PAPOLG: variants seen among roughly 807,000 people sequenced by gnomAD.
PAPOLG encodes PAP-gamma.
In PAPOLG, 40 loss-of-function variants were observed where a neutral mutation model predicts 99.0. The observed-to-expected ratio is 0.40, with a 90% CI of 0.31 to 0.53. The LOEUF is 0.53. PAPOLG is among the 20% of genes least tolerant of loss of function. The pLI is 0.41. For synonymous variants in PAPOLG, 310 were observed against 299.3 expected, an observed-to-expected ratio of 1.04 and a Z score of -0.37; for missense variants, 675 against 884.1, an observed-to-expected ratio of 0.76 and a Z score of 3.00.
chr2:60,779,884 T>C (rs1372560783), intron 9 of PAPOLG, 109 bp downstream of exon 9: 14 of 967,396 alleles, frequency 1.4e-5, no homozygotes, highest in Admixed American at 2.5e-5. Flanking sequence ...TTTACATTGC[T>C]TTGTAAAGTT....
chr2:60,768,448 C>T, intron 3 of PAPOLG, 22 bp from the exon 4 acceptor site: 1 of 1,610,464 alleles, frequency 6.2e-7, no homozygotes, highest in Non-Finnish European at 8.5e-7. Context: ...AATTGAATGT[C>T]TTCCGCTTAA....
At chr2:60,772,428 C>CT (rs1380549443) in intron 7 of PAPOLG, among the ~76,000 whole-genome samples, 1 of 142,642 alleles carries the variant, frequency 7.0e-6, no homozygotes, top group African/African-American at 2.6e-5. Context: ...GCTTAGGTGA[C>CT]AGAGTGAGAC....
Position 60,793,720 on chromosome 2 carries a change from G to C in PAPOLG, c.1768+5G>C. 1 of 1,612,004 alleles carries C rather than the reference G, an allele frequency of 6.2e-7. No individual in the cohort carries two copies. The highest frequency in any genetic ancestry group is 8.5e-7 in the Non-Finnish European group (1 of 1,178,814). On this transcript the variant is annotated splice_donor_5th_base_variant and intron_variant, in intron 18 of 21. Transcript: ENST00000238714. ...CCATTCCAGTGATTGGCGCAAGTAG[G>C]TATCTAAACTTGTATATATTAATAA... is the stretch of plus-strand genomic sequence containing the variant.
intron 7 of PAPOLG, among the ~76,000 whole-genome samples, chr2:60,771,890 A>G (rs1404926425): frequency 6.6e-6 from 1 of 152,188 alleles, no homozygotes; most frequent in African/African-American, 2.4e-5. Context: ...GGAGGACCCC[A>G]AAAAGCTTTT....
chr2:60,756,453 C>A lies in PAPOLG; in HGVS notation c.-26C>A. 1 of 1,609,918 alleles carries A rather than the reference C, an allele frequency of 6.2e-7. No homozygotes were observed. Among genetic ancestry groups the A allele is most frequent in the Non-Finnish European group, 8.5e-7 (1 of 1,178,086 alleles). On this transcript the variant is annotated 5_prime_UTR_variant, in exon 1 of 22. Coordinates refer to ENST00000238714, the MANE Select transcript of PAPOLG (RefSeq NM_022894.4). ...ACAGGACTCCAGAGCGATAAACACT[C>A]GCTGGAGAGGGAGACGCAGGAAGCG...
intron 3 of PAPOLG, among the ~76,000 whole-genome samples, chr2:60,764,417 A>ATT (rs201520818): frequency 7.1e-6 from 1 of 140,360 alleles, no homozygotes. Context: ...ACAACTGCAG[A>ATT]TTTTTTTTTT....
intron 10 of PAPOLG, 85 bp downstream of exon 10, chr2:60,780,864 T>C: frequency 9.3e-7 from 1 of 1,073,248 alleles, no homozygotes; most frequent in Non-Finnish European, 1.4e-6. Flanking sequence ...AGATAGTTCC[T>C]CTTGTCTCTG....
chr2:60,768,231 A>G (rs540850009), intron 3 of PAPOLG, among the ~76,000 whole-genome samples: 1 of 152,206 alleles, frequency 6.6e-6, no homozygotes, highest in Non-Finnish European at 1.5e-5. Flanking sequence ...CCTACCAAGC[A>G]GCTGGGATTA....
In PAPOLG at chr2:60,794,200, A is replaced by C. The variant is rs369473799; in HGVS notation, c.1989+9A>C. 1 of 1,607,996 alleles carries C rather than the reference A, an allele frequency of 6.2e-7. No homozygotes were observed. Among genetic ancestry groups the C allele is most frequent in the East Asian group, 2.2e-5 (1 of 44,838 alleles). ...TGAAAGACGTAGAAAAGGTAAAGTT[A>C]CAACTTTAGTGGTAATTCAGTAGTT... On this transcript the variant is annotated intron_variant, in intron 19 of 21. Transcript: ENST00000238714.
intron 1 of PAPOLG, among the ~76,000 whole-genome samples, chr2:60,757,027 C>CCGGT (rs895065056): frequency 1.3e-5 from 2 of 151,858 alleles, no homozygotes; most frequent in African/African-American, 4.8e-5. Flanking sequence ...ACAACATCTA[C>CCGGT]CGGTCTGTAC....
At chr2:60,769,927 AC>A (rs1265877367) in intron 5 of PAPOLG, among the ~76,000 whole-genome samples, 4 of 86,220 alleles carry the variant, frequency 4.6e-5, no homozygotes, top group Admixed American at 3.8e-4. Context: ...CTTGTCCCCC[AC>A]CCCCCGACAG....
In PAPOLG at chr2:60,786,931, T is replaced by G; in HGVS notation, c.1167-16T>G. On this transcript the variant is annotated splice_polypyrimidine_tract_variant and intron_variant, in intron 13 of 21. Coordinates refer to ENST00000238714, the MANE Select transcript of PAPOLG (RefSeq NM_022894.4). Reference sequence around the variant, plus strand: ...AAAGTGGACATAAGATAAATTGTGTTTGTTGTTTATTTTAGGGTTGGATTA... The same window carrying G: ...AAAGTGGACATAAGATAAATTGTGTGTGTTGTTTATTTTAGGGTTGGATTA... The G allele has an allele frequency of 6.2e-7, 1 of 1,600,396 alleles. No individual in the cohort carries two copies. The highest frequency in any genetic ancestry group is 8.5e-7 in the Non-Finnish European group (1 of 1,175,458).
At chr2:60,769,377 A>G (rs1558685089) in intron 5 of PAPOLG, among the ~76,000 whole-genome samples, 1 of 152,250 alleles carries the variant, frequency 6.6e-6, no homozygotes, top group Non-Finnish European at 1.5e-5. Flanking sequence ...TGCTGGCATT[A>G]GTCTTACAGA....
At chr2:60,760,328 G>C (rs950022516) in intron 2 of PAPOLG, 33 bp downstream of exon 2, 2 of 1,551,578 alleles carry the variant, frequency 1.3e-6, no homozygotes, top group Non-Finnish European at 8.9e-7. Flanking sequence ...ATATTTGACA[G>C]TGCATTATTT....
At position 60,797,101 on chromosome 2, in the gene PAPOLG, G is replaced by A. The variant is rs1393463928; in HGVS notation, c.2152G>A (p.Val718Ile). 23 of 1,613,710 alleles carry A rather than the reference G, an allele frequency of 1.4e-5. No individual in the cohort carries two copies. The Admixed American group carries it at 3.3e-4, about 23-fold the overall frequency. ...SKELPDSSSPVPANNIRVIKN... is the reference protein window; with the variant it reads ...SKELPDSSSPIPANNIRVIKN... ...AGAACTACCAGATTCATCATCTCCA[G>A]TTCCAGCAAACAACATCCGTGTCAT... Residue 718 changes from valine to isoleucine, a missense_variant, in exon 22 of 22, where the codon GTT (valine) becomes ATT (isoleucine). Coordinates refer to ENST00000238714, the MANE Select transcript of PAPOLG (RefSeq NM_022894.4).
chr2:60,771,585 T>G lies in PAPOLG; in HGVS notation c.559T>G (p.Ser187Ala), dbSNP rs781689966. ...ISDNLDLRDD[S>A]RLRSLDIRCI... is the part of the protein sequence containing the mutation. ...AGATAATTTAGATCTAAGAGACGAC[T>G]CTCGCCTGAGAAGCCTTGATATAAG... The change falls in exon 7 of 22, where the codon TCT becomes GCT. Residue 187 changes from serine (S) to alanine (A), a missense_variant. By Grantham distance (99) the Ser-to-Ala change is moderately conservative. Transcript: ENST00000238714. The G allele has an allele frequency of 1.9e-6, 3 of 1,609,076 alleles. No individual in the cohort carries two copies. The highest frequency in any genetic ancestry group is 2.5e-6 in the Non-Finnish European group (3 of 1,178,794).
chr2:60,777,213 T>C (rs1259618408), intron 8 of PAPOLG, among the ~76,000 whole-genome samples: 1 of 152,136 alleles, frequency 6.6e-6, no homozygotes, highest in African/African-American at 2.4e-5. Context: ...CCCAGTACTT[T>C]GGGAGGCCGA....
rs66526788 is a variant in PAPOLG, at chr2:60,796,208, CTTTTTTTTTTTTT to C, written c.2113-840_2113-828del. 3.6e-5 allele frequency among the ~76,000 whole-genome samples: 4 copies of C among 110,316 alleles called. No individual in the cohort carries two copies. The East Asian group carries it at 7.5e-4, about 21-fold the overall frequency. 72.4% of individuals were successfully genotyped at this position (110,316 alleles called of 152,430 possible). Reference sequence around the variant, plus strand: ...TTACAGAAGTCTAGATTTTGCCTTCCTTTTTTTTTTTTTTTTTTTTTTTTTTGGACATGGAGGC... The same window carrying C: ...TTACAGAAGTCTAGATTTTGCCTTCCTTTTTTTTTTTTTGGACATGGAGGC... On this transcript the variant is annotated intron_variant, in intron 21 of 21. Transcript: ENST00000238714.
chr2:60,788,395 C>G (rs1573250907), intron 15 of PAPOLG, among the ~76,000 whole-genome samples: 1 of 152,118 alleles, frequency 6.6e-6, no homozygotes, highest in East Asian at 1.9e-4. Flanking sequence ...GATCTCAGCT[C>G]ACTGCAACCT....
Sources: allele counts gnomAD v4.1 joint callset (sites outside exome capture counted in the v4.1 genomes callset), GRCh38; gene constraint gnomAD v4.1.1; transcripts MANE v1.5; gene names NCBI Gene and HGNC (gene_info 2026-07-23, HGNC 2026-07-21).